Variants in PTGIR observed in about 807,000 individuals in gnomAD.
PTGIR encodes prostacyclin receptor.
PTGIR carries 16 observed loss-of-function variants against 17.6 expected under a neutral mutation model. That is an observed-to-expected ratio of 0.91 (90% CI 0.61 to 1.38). The LOEUF is 1.38. Among genes scored for constraint, PTGIR ranks in the 40% most tolerant of loss-of-function variants. The pLI is 0.00. For synonymous variants in PTGIR, 274 were observed against 255.4 expected, an observed-to-expected ratio of 1.07 and a Z score of -0.69; for missense variants, 532 against 548.6, an observed-to-expected ratio of 0.97 and a Z score of 0.30.
downstream of PTGIR, among the ~76,000 whole-genome samples, chr19:46,619,547 AAGAG>A (rs200797814): frequency 0.031 from 2,733 of 87,596 alleles, 102 homozygotes; most frequent in Non-Finnish European, 0.046. Flanking sequence ...GAAAGAAAGA[AAGAG>A]AGAGAGAGAG....
chr19:46,614,480 C>T, the PTGIR span: 1 of 961,248 alleles, frequency 1.0e-6, no homozygotes, highest in Non-Finnish European at 1.2e-6. Context: ...CTTGAGTCCC[C>T]CGTTCCCAGC....
chr19:46,619,543 AAGAAAGAGAGAGAG>A (rs1244038091), downstream of PTGIR, among the ~76,000 whole-genome samples: 56 of 68,700 alleles, frequency 8.2e-4, 1 homozygote, highest in African/African-American at 2.8e-3. Context: ...GAAAGAAAGA[AAGAAAGAGAGAGAG>A]AGAGAGAGAG....
chr19:46,620,780 A>T lies in PTGIR; in HGVS notation c.*500T>A. On this transcript the variant is annotated 3_prime_UTR_variant, in exon 3 of 3. Coordinates refer to ENST00000291294, the MANE Select transcript of PTGIR (RefSeq NM_000960.4). ...CAAGCCTGGTGGGGGACCAGCGGCA[A>T]GGGAAGGCAGGGAGCTTTTCCAATA... The T allele has an allele frequency of 1.0e-6, 1 of 986,148 alleles. No individual in the cohort carries two copies. The highest frequency in any genetic ancestry group is 1.7e-5 in the African/African-American group (1 of 57,382). 61.1% of individuals were successfully genotyped at this position (986,148 alleles called of 1,614,324 possible).
chr19:46,611,924 C>T, the PTGIR span, among the ~76,000 whole-genome samples: 1 of 152,258 alleles, frequency 6.6e-6, no homozygotes, highest in Non-Finnish European at 1.5e-5. Flanking sequence ...TCCTTCCACT[C>T]ATCTGCACTT....
In PTGIR at chr19:46,620,727, C is replaced by T. The variant is rs200550541; in HGVS notation, c.*553G>A. On this transcript the variant is annotated 3_prime_UTR_variant, in exon 3 of 3. Coordinates refer to ENST00000291294, the MANE Select transcript of PTGIR (RefSeq NM_000960.4). ...CAATGCAGCAGCCTCCCCTTCCTCCCGTTGCCCCTTTGGGATGCCAGGGCT... is the reference window on the plus strand; with the variant it reads ...CAATGCAGCAGCCTCCCCTTCCTCCTGTTGCCCCTTTGGGATGCCAGGGCT... 4.7e-5 allele frequency: 46 copies of T among 986,020 alleles called. 1 individual carries two copies. In the South Asian group the frequency reaches 1.5e-3, roughly 33 times the overall value. The allele number at this position is 986,020 out of a possible 1,614,324, so 61.1% of individuals were successfully genotyped here. A position where few individuals can be genotyped will look rare whatever the true frequency, so the allele number is the denominator to read the frequency against.
chr19:46,624,148 G>A lies in PTGIR; in HGVS notation c.78C>T (p.Ala26=), dbSNP rs762233758. The change falls in exon 2 of 3, where the codon GCC becomes GCT. Residue 26 remains alanine (A), a synonymous_variant. Coordinates refer to ENST00000291294, the MANE Select transcript of PTGIR (RefSeq NM_000960.4). ...GGGCCAGCCCGTTGCCCACCACACCGGCCACGAACATCAGGGTGCTGGTGG... is the reference window on the plus strand; with the variant it reads ...GGGCCAGCCCGTTGCCCACCACACCAGCCACGAACATCAGGGTGCTGGTGG... ...GPATSTLMFV[A]GVVGNGLALG... is the part of the protein sequence containing the mutation. 37 of 1,526,264 alleles carry A rather than the reference G, an allele frequency of 2.4e-5. No homozygotes were observed. The highest frequency in any genetic ancestry group is 8.3e-5 in the Admixed American group (4 of 48,444). 94.5% of individuals were successfully genotyped at this position (1,526,264 alleles called of 1,614,324 possible).
the PTGIR span, among the ~76,000 whole-genome samples, chr19:46,613,369 C>G: frequency 2.2e-4 from 29 of 134,350 alleles, no homozygotes; most frequent in Non-Finnish European, 4.6e-4. Flanking sequence ...CCCCCCCTTC[C>G]CCCCCAGCCT....
downstream of PTGIR, among the ~76,000 whole-genome samples, chr19:46,619,552 AG>A (rs753423518): frequency 0.034 from 2,370 of 70,458 alleles, 34 homozygotes; most frequent in Middle Eastern, 0.044. Context: ...AAAGAAAGAG[AG>A]AGAGAGAGAG....
In PTGIR at chr19:46,621,419, C is replaced by A. The variant is rs879809702; in HGVS notation, c.1022G>T (p.Gly341Val). The change falls in exon 3 of 3, where the codon GGA becomes GTA. Residue 341 changes from glycine to valine, a missense_variant. By Grantham distance (109) the Gly-to-Val change is moderately radical. Transcript: ENST00000291294. This position sits in a 1 kb window ranked among gnomAD's most constrained non-coding sequence, Gnocchi z 4.8. ...CAAAGGCACGCAGCTCCCCTCCTTTCCCACAGGAGCAGAGGGGGCCCTTGG... is the reference window on the plus strand; with the variant it reads ...CAAAGGCACGCAGCTCCCCTCCTTTACCACAGGAGCAGAGGGGGCCCTTGG... Reference protein sequence around the residue: ...RDPRAPSAPVGKEGSCVPLSA... With the variant: ...RDPRAPSAPVVKEGSCVPLSA... 3 of 1,609,630 alleles carry A rather than the reference C, an allele frequency of 1.9e-6. No individual in the cohort carries two copies. Among genetic ancestry groups the A allele is most frequent in the Non-Finnish European group, 2.5e-6 (3 of 1,176,736 alleles).
chr19:46,624,002 T>C lies in PTGIR; in HGVS notation c.224A>G (p.Tyr75Cys), dbSNP rs1358591894. ...SFLSPAVFVA[Y>C]ARNSSLLGLA... ...GCCCAGCAGGGAGCTGTTGCGCGCA[T>C]AGGCCACGAACACGGCCGGGCTCAG... The change falls in exon 2 of 3, where the codon TAT (tyrosine) becomes TGT (cysteine). Residue 75 changes from tyrosine to cysteine, a missense_variant. Coordinates refer to ENST00000291294, the MANE Select transcript of PTGIR (RefSeq NM_000960.4). 5.1e-6 allele frequency: 8 copies of C among 1,553,538 alleles called. No individual in the cohort carries two copies. Among genetic ancestry groups the C allele is most frequent in the Non-Finnish European group, 7.0e-6 (8 of 1,148,742 alleles).
the PTGIR span, among the ~76,000 whole-genome samples, chr19:46,615,025 C>A: frequency 6.6e-6 from 1 of 151,434 alleles, no homozygotes; most frequent in South Asian, 2.1e-4. Context: ...GTCTGCCCCA[C>A]CCCCCCAAAA....
chr19:46,611,424 G>A, the PTGIR span, among the ~76,000 whole-genome samples: 1 of 152,216 alleles, frequency 6.6e-6, no homozygotes. Context: ...TGGATCTACA[G>A]TGGTGAGAAA....
At chr19:46,615,066 A>G in the PTGIR span, among the ~76,000 whole-genome samples, 1 of 146,454 alleles carries the variant, frequency 6.8e-6, no homozygotes, top group Non-Finnish European at 1.6e-5. Context: ...GTGGGCTCCT[A>G]TAATCTCAGC....
chr19:46,614,900 T>C, the PTGIR span, among the ~76,000 whole-genome samples: 1 of 152,172 alleles, frequency 6.6e-6, no homozygotes, highest in Non-Finnish European at 1.5e-5. Flanking sequence ...TGCGCACCTG[T>C]AGTCCCAGCT....
intron 2 of PTGIR, chr19:46,623,248 C>T (rs1160173094): frequency 7.9e-6 from 4 of 506,338 alleles, no homozygotes; most frequent in Non-Finnish European, 1.3e-5. Flanking sequence ...CCGCCGGCCT[C>T]GGCCTCCCAA....
chr19:46,619,732 G>C (rs113105926), downstream of PTGIR, among the ~76,000 whole-genome samples: 140 of 152,310 alleles, frequency 9.2e-4, 3 homozygotes, highest in African/African-American at 3.1e-3. Flanking sequence ...CCTACCCCTC[G>C]AAGAGTTGGC....
At chr19:46,613,939 G>A in the PTGIR span, among the ~76,000 whole-genome samples, 1 of 152,210 alleles carries the variant, frequency 6.6e-6, no homozygotes, top group Non-Finnish European at 1.5e-5. Flanking sequence ...TGGGCCCTAT[G>A]TTTTGAAAGA....
downstream of PTGIR, among the ~76,000 whole-genome samples, chr19:46,619,467 C>T (rs913001891): frequency 6.9e-6 from 1 of 144,094 alleles, no homozygotes; most frequent in Admixed American, 7.3e-5. Context: ...TGCACTCCAG[C>T]CTGGGTGACA....
chr19:46,621,572 C>A lies in PTGIR; in HGVS notation c.869G>T (p.Trp290Leu), dbSNP rs765853853. The change falls in exon 3 of 3, where the codon TGG becomes TTG. Residue 290 changes from tryptophan to leucine, a missense_variant. Coordinates refer to ENST00000291294, the MANE Select transcript of PTGIR (RefSeq NM_000960.4). The surrounding 1 kb of genome is among the most constrained non-coding windows in gnomAD (Gnocchi z 4.8). ...FYAFNPILDP[W>L]VFILFRKAVF... is the part of the protein sequence containing the mutation. ...AGCCTTGCGGAAAAGGATGAAGACCCAGGGGTCCAGGATGGGGTTGAAGGC... is the reference window on the plus strand; with the variant it reads ...AGCCTTGCGGAAAAGGATGAAGACCAAGGGGTCCAGGATGGGGTTGAAGGC... 6.2e-7 allele frequency: 1 copy of A among 1,613,892 alleles called. No individual in the cohort carries two copies. The highest frequency in any genetic ancestry group is 8.5e-7 in the Non-Finnish European group (1 of 1,180,050).
Sources: allele counts gnomAD v4.1 joint callset (sites outside exome capture counted in the v4.1 genomes callset), GRCh38; gene constraint gnomAD v4.1.1; non-coding constraint Gnocchi (gnomAD v3.1); transcripts MANE v1.5; gene names NCBI Gene and HGNC (gene_info 2026-07-23, HGNC 2026-07-21).